The following AP1S3 variants were observed in gnomAD, a reference collection of about 807,000 sequenced individuals.
AP1S3 encodes the protein AP-1 complex subunit sigma-3.
A neutral mutation model predicts 20.9 loss-of-function variants in AP1S3; 10 were observed. That is an observed-to-expected ratio of 0.48 (90% CI 0.29 to 0.81). AP1S3 has a LOEUF of 0.81. Ranked by LOEUF, AP1S3 falls within the 30% of genes least tolerant of loss-of-function variation. The probability of loss-of-function intolerance (pLI) is 0.08; values close to 1 mark genes in which losing one functional copy is unlikely to be tolerated. For missense variants in AP1S3, 154 were observed against 183.8 expected, an observed-to-expected ratio of 0.84 and a Z score of 0.94; for synonymous variants, 41 against 61.5, an observed-to-expected ratio of 0.67 and a Z score of 1.56.
intron 1 of AP1S3, among the ~76,000 whole-genome samples, chr2:223,827,183 T>A (rs1692148401): frequency 6.6e-6 from 1 of 152,196 alleles, no homozygotes; most frequent in Non-Finnish European, 1.5e-5. Context: ...TGAGACGGAA[T>A]GGACTTTGAA....
At chr2:223,796,074 G>A (rs1329831213) in intron 1 of AP1S3, among the ~76,000 whole-genome samples, 1 of 152,210 alleles carries the variant, frequency 6.6e-6, no homozygotes, top group Non-Finnish European at 1.5e-5. Flanking sequence ...TCGGGAGGCT[G>A]AGGCAGGAGA....
At chr2:223,810,329 T>C (rs1480765399) in intron 1 of AP1S3, among the ~76,000 whole-genome samples, 4 of 152,204 alleles carry the variant, frequency 2.6e-5, no homozygotes, top group African/African-American at 9.7e-5. Flanking sequence ...TTTTCTTTTT[T>C]TGAGACAGGG....
chr2:223,827,171 C>G (rs955645383), intron 1 of AP1S3, among the ~76,000 whole-genome samples: 6 of 152,250 alleles, frequency 3.9e-5, no homozygotes, highest in Middle Eastern at 3.4e-3. Flanking sequence ...ACTAGATTAT[C>G]GTGAGACGGA....
chr2:223,755,812 G>C lies in AP1S3; in HGVS notation c.*2903C>G. The C allele has an allele frequency of 5.1e-6, 5 of 985,140 alleles. No homozygotes were observed. Among genetic ancestry groups the C allele is most frequent in the Non-Finnish European group, 6.0e-6 (5 of 829,678 alleles). The allele number at this position is 985,140 out of a possible 1,614,324, so 61.0% of individuals were successfully genotyped here. ...CCCAAAGTGCTGGGATTACAGGCGT[G>C]AGCCACCTTGCCCAGAAGAGATATA... On this transcript the variant is annotated 3_prime_UTR_variant, in exon 5 of 5. Transcript: ENST00000396654.
At chr2:223,777,950 G>T in intron 1 of AP1S3, 81 bp from the exon 2 acceptor site, 2 of 1,227,300 alleles carry the variant, frequency 1.6e-6, no homozygotes, top group Non-Finnish European at 1.1e-6. Context: ...ATTCAATGAT[G>T]GATTTACACA....
At chr2:223,810,244 T>C (rs1262119038) in intron 1 of AP1S3, among the ~76,000 whole-genome samples, 1 of 152,086 alleles carries the variant, frequency 6.6e-6, no homozygotes, top group Non-Finnish European at 1.5e-5. Flanking sequence ...TTAGACTAAG[T>C]GGCTTAATAT....
At chr2:223,807,365 T>C (rs1330211297) in intron 1 of AP1S3, among the ~76,000 whole-genome samples, 1 of 152,110 alleles carries the variant, frequency 6.6e-6, no homozygotes, top group Admixed American at 6.5e-5. Context: ...CAGCTAGAAA[T>C]AGATATTATT....
intron 1 of AP1S3, among the ~76,000 whole-genome samples, chr2:223,794,864 T>A (rs75748694): frequency 0.061 from 9,299 of 152,146 alleles, 725 homozygotes; most frequent in East Asian, 0.43. Flanking sequence ...AGGAGGGACG[T>A]TCACTGTTTC....
chr2:223,810,507 C>T (rs1222388010), intron 1 of AP1S3, among the ~76,000 whole-genome samples: 1 of 152,108 alleles, frequency 6.6e-6, no homozygotes, highest in Non-Finnish European at 1.5e-5. Context: ...CAGGGTTTTG[C>T]CATGTTGCCC....
At chr2:223,828,133 T>C (rs1282430351) in intron 1 of AP1S3, among the ~76,000 whole-genome samples, 1 of 149,126 alleles carries the variant, frequency 6.7e-6, no homozygotes, top group African/African-American at 2.5e-5. Context: ...CTGGCTAGCA[T>C]TTATGAAATA....
intron 1 of AP1S3, among the ~76,000 whole-genome samples, chr2:223,789,280 C>T (rs966097021): frequency 1.3e-5 from 2 of 151,920 alleles, no homozygotes; most frequent in Admixed American, 6.6e-5. Flanking sequence ...AACAGAGTTT[C>T]CTTTTTAAAA....
At chr2:223,794,753 C>A (rs139857588) in intron 1 of AP1S3, among the ~76,000 whole-genome samples, 1 of 152,280 alleles carries the variant, frequency 6.6e-6, no homozygotes, top group African/African-American at 2.4e-5. Flanking sequence ...TTCCTCTAAG[C>A]GCATCTGAAA....
intron 1 of AP1S3, among the ~76,000 whole-genome samples, chr2:223,825,312 C>CAAA (rs3080005): frequency 0.037 from 5,384 of 146,092 alleles, 321 homozygotes; most frequent in African/African-American, 0.13. Context: ...GACTCCGTCT[C>CAAA]AAAAAAAAAA....
At chr2:223,764,475 A>T (rs1250263747) in intron 4 of AP1S3, among the ~76,000 whole-genome samples, 3 of 152,102 alleles carry the variant, frequency 2.0e-5, no homozygotes, top group African/African-American at 7.2e-5. Context: ...GGTATGATGC[A>T]AATCTGTGCG....
chr2:223,815,785 C>G (rs544841568), intron 1 of AP1S3, among the ~76,000 whole-genome samples: 7 of 152,148 alleles, frequency 4.6e-5, no homozygotes, highest in Admixed American at 1.3e-4. Flanking sequence ...TACTATGTAA[C>G]AAAACTAATT....
At chr2:223,829,421 G>A (rs1340232319) in intron 1 of AP1S3, among the ~76,000 whole-genome samples, 2 of 152,080 alleles carry the variant, frequency 1.3e-5, no homozygotes, top group Non-Finnish European at 2.9e-5. Flanking sequence ...GAGGTCAGGA[G>A]TTCAAGACTA....
rs1690203755 is a variant in AP1S3, at chr2:223,756,009, T to A, written c.*2706A>T. 2.0e-6 allele frequency: 2 copies of A among 985,412 alleles called. No individual in the cohort carries two copies. The highest frequency in any genetic ancestry group is 9.4e-5 in the South Asian group (2 of 21,284). The allele number at this position is 985,412 out of a possible 1,614,324, so 61.0% of individuals were successfully genotyped here. A position where few individuals can be genotyped will look rare whatever the true frequency, so the allele number is the denominator to read the frequency against. On this transcript the variant is annotated 3_prime_UTR_variant, in exon 5 of 5. Transcript: ENST00000396654. ...AAGAACCGGAAAAACTATGATGGAT[T>A]TACATGAGGTCCATCTTTACAAAAT... is the stretch of plus-strand genomic sequence containing the variant.
At chr2:223,783,355 G>C (rs1393974468) in intron 1 of AP1S3, among the ~76,000 whole-genome samples, 1 of 152,110 alleles carries the variant, frequency 6.6e-6, no homozygotes, top group Non-Finnish European at 1.5e-5. Context: ...ATTTTGAGAG[G>C]TCTCACTTGT....
chr2:223,796,288 T>A (rs1691334481), intron 1 of AP1S3, among the ~76,000 whole-genome samples: 1 of 152,176 alleles, frequency 6.6e-6, no homozygotes, highest in South Asian at 2.1e-4. Flanking sequence ...TTCAGAATCA[T>A]CCCATTACTA....
Sources: gnomAD v4.1 joint callset for allele counts (sites outside exome capture counted in the v4.1 genomes callset) on GRCh38, gnomAD v4.1.1 for gene constraint, MANE v1.5 for transcripts, NCBI Gene and HGNC (gene_info 2026-07-23, HGNC 2026-07-21) for gene names.